Variants in SYN2 observed in about 807,000 individuals in gnomAD.
The protein encoded by SYN2 is synapsin II.
SYN2 carries 19 observed loss-of-function variants against 50.9 expected under a neutral mutation model. The ratio of observed to expected loss-of-function variants is 0.37; its 90% CI spans 0.26 to 0.55. SYN2 has a LOEUF of 0.55. SYN2 is among the 20% of genes least tolerant of loss of function. The pLI, the probability that SYN2 is intolerant of heterozygous loss-of-function variation, is 0.81. For missense variants in SYN2, 587 were observed against 576.4 expected (o/e 1.02, Z -0.19); for synonymous variants, 255 against 224.9 (o/e 1.13, Z -1.20).
At chr3:12,142,803 A>G (rs1248960456) in intron 3 of SYN2, among the ~76,000 whole-genome samples, 2 of 151,770 alleles carry the variant, frequency 1.3e-5, no homozygotes, top group Non-Finnish European at 2.9e-5. Context: ...TCTTCACCTC[A>G]CTCTCTTCTC....
At chr3:12,045,720 T>C (rs1484830286) in intron 1 of SYN2, among the ~76,000 whole-genome samples, 2 of 152,324 alleles carry the variant, frequency 1.3e-5, no homozygotes, top group Non-Finnish European at 2.9e-5. Flanking sequence ...TCAGTGCTCA[T>C]GGCGAACTGA....
intron 1 of SYN2, among the ~76,000 whole-genome samples, chr3:12,054,740 G>C (rs964072082): frequency 3.3e-4 from 46 of 137,916 alleles, no homozygotes; most frequent in African/African-American, 1.2e-3. Flanking sequence ...TTTCTTTTTT[G>C]CTTAGCTTTA....
chr3:12,026,111 T>G (rs912012883), intron 1 of SYN2, among the ~76,000 whole-genome samples: 6 of 152,182 alleles, frequency 3.9e-5, no homozygotes, highest in African/African-American at 1.4e-4. Flanking sequence ...AGTGTTGGGT[T>G]GGGGTCAGTG....
chr3:12,105,508 A>G (rs1696166633), intron 1 of SYN2, among the ~76,000 whole-genome samples: 2 of 132,364 alleles, frequency 1.5e-5, no homozygotes, highest in Admixed American at 7.7e-5. Flanking sequence ...TGGATCTTCT[A>G]GTGGTGTTTG....
intron 1 of SYN2, among the ~76,000 whole-genome samples, chr3:12,139,644 G>T (rs1470810450): frequency 6.6e-6 from 1 of 152,138 alleles, no homozygotes; most frequent in East Asian, 1.9e-4. Context: ...GTAATTCCTA[G>T]AACATGATGC....
intron 12 of SYN2, among the ~76,000 whole-genome samples, chr3:12,188,944 G>A (rs1467102718): frequency 6.6e-6 from 1 of 152,216 alleles, no homozygotes; most frequent in Admixed American, 6.5e-5. Flanking sequence ...GCCAACCTCT[G>A]ATGAGAAGCT....
At chr3:12,022,964 C>G (rs1247981716) in intron 1 of SYN2, among the ~76,000 whole-genome samples, 3 of 151,962 alleles carry the variant, frequency 2.0e-5, no homozygotes, top group African/African-American at 7.3e-5. Flanking sequence ...GAATGCACAC[C>G]CGGTGGTGGA....
chr3:12,027,457 A>C (rs1458506348), intron 1 of SYN2, among the ~76,000 whole-genome samples: 1 of 152,164 alleles, frequency 6.6e-6, no homozygotes, highest in Non-Finnish European at 1.5e-5. Flanking sequence ...AGATGTCCCT[A>C]GATCCTATGA....
chr3:12,083,929 C>T (rs1325699233), intron 1 of SYN2, among the ~76,000 whole-genome samples: 2 of 152,166 alleles, frequency 1.3e-5, no homozygotes, highest in Non-Finnish European at 2.9e-5. Flanking sequence ...TCCTTAGAGA[C>T]CATATAATGT....
intron 1 of SYN2, among the ~76,000 whole-genome samples, chr3:12,011,783 C>T (rs558371611): frequency 3.6e-4 from 55 of 152,296 alleles, no homozygotes; most frequent in African/African-American, 1.2e-3. Context: ...TACTATATAT[C>T]AGGCACTGTT....
intron 1 of SYN2, chr3:12,071,227 G>T: frequency 3.6e-6 from 2 of 554,114 alleles, no homozygotes; most frequent in South Asian, 1.5e-5. Flanking sequence ...CAAGATCATC[G>T]TGCCCCCAGA....
chr3:12,077,108 G>A (rs901625264), intron 1 of SYN2, among the ~76,000 whole-genome samples: 4 of 152,002 alleles, frequency 2.6e-5, no homozygotes, highest in African/African-American at 9.7e-5. Context: ...TCTTGCTACA[G>A]TATCTCCTCT....
chr3:12,162,114 A>G lies in SYN2; in HGVS notation c.940A>G (p.Ile314Val). Residue 314 changes from isoleucine to valine, a missense_variant, in exon 7 of 13, where the codon ATC (isoleucine) becomes GTC (valine). Coordinates refer to ENST00000621198, the MANE Select transcript of SYN2 (RefSeq NM_133625.6). ...AEPFIDSKYD[I>V]RVQKIGNNYK... ...GCCTTTCATTGACTCCAAGTATGAC[A>G]TCCGGGTCCAGAAGATTGGCAACAA... 8 of 1,614,146 alleles carry G rather than the reference A, an allele frequency of 5.0e-6. No individual in the cohort carries two copies. Among genetic ancestry groups the G allele is most frequent in the Non-Finnish European group, 5.9e-6 (7 of 1,180,006 alleles).
At chr3:12,183,270 G>A in intron 10 of SYN2, 42 bp from the exon 11 acceptor site, 1 of 1,582,470 alleles carries the variant, frequency 6.3e-7, no homozygotes. Context: ...GAATTCAGTG[G>A]CTTGGAGTTT....
intron 1 of SYN2, among the ~76,000 whole-genome samples, chr3:12,030,966 A>T: frequency 8.2e-6 from 1 of 122,348 alleles, no homozygotes; most frequent in Admixed American, 9.0e-5. Context: ...TTTAATTGTG[A>T]TGTTAGGTTG....
At chr3:12,041,366 G>A (rs1254328333) in intron 1 of SYN2, among the ~76,000 whole-genome samples, 2 of 152,138 alleles carry the variant, frequency 1.3e-5, no homozygotes, top group South Asian at 2.1e-4. Flanking sequence ...AATCTATGTT[G>A]CTTTAGAGAG....
At chr3:12,051,029 C>T (rs1694849555) in intron 1 of SYN2, among the ~76,000 whole-genome samples, 1 of 152,078 alleles carries the variant, frequency 6.6e-6, no homozygotes, top group Non-Finnish European at 1.5e-5. Context: ...GCCACCGCGC[C>T]CGGCCTCTTT....
In SYN2 at chr3:12,004,832, C is replaced by T; in HGVS notation, c.281C>T (p.Ala94Val). 1 of 494,044 alleles carries T rather than the reference C, an allele frequency of 2.0e-6. No individual in the cohort carries two copies. Among genetic ancestry groups the T allele is most frequent in the Non-Finnish European group, 3.6e-6 (1 of 280,958 alleles). The allele number at this position is 494,044 out of a possible 1,614,324, so 30.6% of individuals were successfully genotyped here. A position where few individuals can be genotyped will look rare whatever the true frequency, so the allele number is the denominator to read the frequency against. The change falls in exon 1 of 13, where the codon GCC becomes GTC. Residue 94 changes from alanine (A) to valine (V), a missense_variant. Ala to Val is a moderately conservative substitution (Grantham distance 64, BLOSUM62 0). Transcript: ENST00000621198. The stretch of plus-strand genomic sequence containing the variant: ...CTGTCCCAAGCCGTGAAGCAGACGG[C>T]CGCCTCGGCTGGCCTGGTGGACGCG... Reference protein sequence around the residue: ...SSLSQAVKQTAASAGLVDAPA... With the variant: ...SSLSQAVKQTVASAGLVDAPA...
In SYN2 at chr3:12,162,172, A is replaced by G; in HGVS notation, c.980+18A>G. On this transcript the variant is annotated intron_variant, in intron 7 of 12. Coordinates refer to ENST00000621198, the MANE Select transcript of SYN2 (RefSeq NM_133625.6). ...GCTTACATGTGAGTAAGAGTGGGGT[A>G]TGTTTTCTCCTCAGTGATGATGGAA... 1 of 1,613,376 alleles carries G rather than the reference A, an allele frequency of 6.2e-7. No homozygotes were observed. The highest frequency in any genetic ancestry group is 2.2e-5 in the East Asian group (1 of 44,872).
Sources: gnomAD v4.1 joint callset for allele counts (sites outside exome capture counted in the v4.1 genomes callset) on GRCh38, gnomAD v4.1.1 for gene constraint, MANE v1.5 for transcripts, NCBI Gene and HGNC (gene_info 2026-07-23, HGNC 2026-07-21) for gene names.